The following SESN3 variants were observed in gnomAD, a reference collection of about 807,000 sequenced individuals.
The protein encoded by SESN3 is sestrin-3.
SESN3 carries 21 observed loss-of-function variants against 55.3 expected under a neutral mutation model. The ratio of observed to expected loss-of-function variants is 0.38; its 90% CI spans 0.27 to 0.55. The LOEUF is 0.55. SESN3 is among the 20% of genes least tolerant of loss of function. The pLI is 0.76. For missense variants in SESN3, 408 were observed against 604.3 expected (o/e 0.68, Z 3.41); for synonymous variants, 181 against 203.1 (o/e 0.89, Z 0.93).
In SESN3 at chr11:95,177,815, T is replaced by C. The variant is rs1343181907; in HGVS notation, c.1151A>G (p.Asn384Ser). Residue 384 changes from asparagine (N) to serine (S), a missense_variant, in exon 8 of 10, where the codon AAT (asparagine) becomes AGT (serine). Coordinates refer to ENST00000536441, the MANE Select transcript of SESN3 (RefSeq NM_144665.4). ...LLDEKFRMVY[N>S]LTYNTMATHE... ...GGTGGCCATAGTGTTATATGTGAGA[T>C]TGTAGACCATCCGAAACTTTTCATC... 2.5e-6 allele frequency: 4 copies of C among 1,606,910 alleles called. No homozygotes were observed. The highest frequency in any genetic ancestry group is 3.4e-6 in the Non-Finnish European group (4 of 1,177,988).
At chr11:95,178,595 A>G (rs980350000) in intron 7 of SESN3, 115 bp downstream of exon 7, 2 of 674,056 alleles carry the variant, frequency 3.0e-6, no homozygotes, top group African/African-American at 1.8e-5. Context: ...TAGGTTAAAT[A>G]CAAAGATTTA....
intron 1 of SESN3, among the ~76,000 whole-genome samples, chr11:95,221,228 C>T (rs182703990): frequency 3.6e-4 from 55 of 151,998 alleles, no homozygotes; most frequent in African/African-American, 1.3e-3. Context: ...CGCTTGAACC[C>T]GGGAGGCGGT....
In SESN3 at chr11:95,191,494, C is replaced by T; in HGVS notation, c.252G>A (p.Gln84=). The part of the protein sequence containing the change: ...NITQVMSLHT[Q]YLESFLRSQF... ...GGCTCCGCAAGAAAGACTCCAGGTA[C>T]TGAGTGTGTAAACTCATGACCTGTG... The change falls in exon 3 of 10, where the codon CAG becomes CAA. Residue 84 remains glutamine (Q), a synonymous_variant. Coordinates refer to ENST00000536441, the MANE Select transcript of SESN3 (RefSeq NM_144665.4). 6.2e-7 allele frequency: 1 copy of T among 1,612,700 alleles called. No individual in the cohort carries two copies. The highest frequency in any genetic ancestry group is 8.5e-7 in the Non-Finnish European group (1 of 1,179,020).
chr11:95,187,987 CTTA>C (rs1255498517), intron 4 of SESN3, among the ~76,000 whole-genome samples: 1 of 149,650 alleles, frequency 6.7e-6, no homozygotes, highest in Non-Finnish European at 1.5e-5. Flanking sequence ...TTACTAGAAT[CTTA>C]TCCTTCCTAT....
chr11:95,192,056 T>C (rs1234495669), intron 2 of SESN3, among the ~76,000 whole-genome samples: 8 of 152,080 alleles, frequency 5.3e-5, no homozygotes, highest in African/African-American at 1.9e-4. Flanking sequence ...CTTGCTTTTG[T>C]GATTTAACAT....
intron 1 of SESN3, among the ~76,000 whole-genome samples, chr11:95,210,511 T>C (rs1263600308): frequency 6.6e-6 from 1 of 152,224 alleles, no homozygotes; most frequent in Non-Finnish European, 1.5e-5. Flanking sequence ...TATGAATGGA[T>C]GGAGCTCATA....
chr11:95,192,910 T>A (rs2134236556), intron 2 of SESN3, among the ~76,000 whole-genome samples: 1 of 152,146 alleles, frequency 6.6e-6, no homozygotes, highest in African/African-American at 2.4e-5. Context: ...TTGTTCTAAC[T>A]GGATGCTTAA....
chr11:95,173,768 T>G (rs968757681), intron 9 of SESN3, among the ~76,000 whole-genome samples: 2 of 152,082 alleles, frequency 1.3e-5, no homozygotes, highest in African/African-American at 4.8e-5. Flanking sequence ...ACTTAAAAGA[T>G]ACTAAAGTGA....
intron 8 of SESN3, among the ~76,000 whole-genome samples, chr11:95,176,944 CA>C (rs1167730996): frequency 6.6e-6 from 1 of 152,070 alleles, no homozygotes; most frequent in Non-Finnish European, 1.5e-5. Context: ...GGCGATTTAT[CA>C]GTAAATTTTG....
At chr11:95,214,245 C>T (rs1860710899) in intron 1 of SESN3, among the ~76,000 whole-genome samples, 2 of 152,134 alleles carry the variant, frequency 1.3e-5, no homozygotes, top group Non-Finnish European at 2.9e-5. Context: ...GCGTAAGGAA[C>T]TTTGGAATTA....
intron 5 of SESN3, 80 bp downstream of exon 5, chr11:95,185,176 G>A: frequency 1.3e-6 from 1 of 798,008 alleles, no homozygotes; most frequent in Non-Finnish European, 2.1e-6. Context: ...TATCTAATTG[G>A]AGAAAAATTC....
intron 1 of SESN3, among the ~76,000 whole-genome samples, chr11:95,218,644 C>CTT (rs1375712484): frequency 2.0e-5 from 3 of 148,076 alleles, no homozygotes; most frequent in African/African-American, 7.4e-5. Flanking sequence ...ATAGATTTAC[C>CTT]CTCTTTTTTT....
chr11:95,205,627 T>C (rs1860533419), intron 1 of SESN3, among the ~76,000 whole-genome samples: 1 of 152,178 alleles, frequency 6.6e-6, no homozygotes, highest in Non-Finnish European at 1.5e-5. Context: ...AGGTTGATAC[T>C]AGCAATCCAG....
intron 2 of SESN3, among the ~76,000 whole-genome samples, chr11:95,192,329 A>C (rs1372338107): frequency 6.6e-6 from 1 of 152,080 alleles, no homozygotes; most frequent in Admixed American, 6.6e-5. Flanking sequence ...ACTGGTTCTG[A>C]AGGTGTTAAG....
chr11:95,188,893 CTAGCTAACA>C (rs1860215391), intron 4 of SESN3, among the ~76,000 whole-genome samples: 1 of 151,874 alleles, frequency 6.6e-6, no homozygotes, highest in Non-Finnish European at 1.5e-5. Context: ...ATTCCCCTAT[CTAGCTAACA>C]TATCATCAAA....
intron 1 of SESN3, among the ~76,000 whole-genome samples, chr11:95,202,367 T>C (rs1026427395): frequency 5.9e-5 from 9 of 152,174 alleles, no homozygotes; most frequent in African/African-American, 1.9e-4. Context: ...GTTCTCTGTA[T>C]TCTTATTAGA....
At chr11:95,185,782 T>C (rs1019826136) in intron 4 of SESN3, among the ~76,000 whole-genome samples, 2 of 152,012 alleles carry the variant, frequency 1.3e-5, no homozygotes, top group African/African-American at 4.8e-5. Flanking sequence ...GAAATACTTT[T>C]AGAGAATCAA....
At chr11:95,206,067 C>G (rs908685083) in intron 1 of SESN3, among the ~76,000 whole-genome samples, 4 of 152,078 alleles carry the variant, frequency 2.6e-5, no homozygotes, top group Admixed American at 2.6e-4. Flanking sequence ...CATTCAAACC[C>G]ACAGCGAGTT....
chr11:95,177,333 A>G (rs982071964), intron 8 of SESN3, among the ~76,000 whole-genome samples: 1 of 152,214 alleles, frequency 6.6e-6, no homozygotes, highest in African/African-American at 2.4e-5. Context: ...TCCTTAAAAA[A>G]TAAGTTTTAA....
Sources: gnomAD v4.1 joint callset for allele counts (sites outside exome capture counted in the v4.1 genomes callset) on GRCh38, gnomAD v4.1.1 for gene constraint, MANE v1.5 for transcripts, NCBI Gene and HGNC (gene_info 2026-07-23, HGNC 2026-07-21) for gene names.